P4HA1: variants seen among roughly 807,000 people sequenced by gnomAD.
P4HA1 encodes prolyl 4-hydroxylase subunit alpha-1.
P4HA1 carries 24 observed loss-of-function variants against 72.8 expected under a neutral mutation model. The ratio of observed to expected loss-of-function variants is 0.33; its 90% CI spans 0.24 to 0.46. The LOEUF (loss-of-function observed/expected upper bound fraction) is 0.46. Among genes scored for constraint, P4HA1 ranks in the 20% least tolerant of loss-of-function variants. The pLI, the probability that P4HA1 is intolerant of heterozygous loss-of-function variation, is 1.00. For synonymous variants in P4HA1, 201 were observed against 218.8 expected, an observed-to-expected ratio of 0.92 and a Z score of 0.72; for missense variants, 446 against 640.6, an observed-to-expected ratio of 0.70 and a Z score of 3.28.
chr10:73,077,962 C>T (rs1841738096), intron 1 of P4HA1, among the ~76,000 whole-genome samples: 1 of 144,190 alleles, frequency 6.9e-6, no homozygotes, highest in Non-Finnish European at 1.5e-5. Context: ...GCTCTCCAGT[C>T]TGGGCAATAA....
rs185017790 is a variant in P4HA1, at chr10:73,017,096, C to T, written c.1249-197G>A. On this transcript the variant is annotated intron_variant, in intron 10 of 14. Coordinates refer to ENST00000394890, the MANE Select transcript of P4HA1 (RefSeq NM_001017962.3). The stretch of plus-strand genomic sequence containing the variant: ...AGGACAGCTACTATATATCTATGTA[C>T]AGATCTATATCTACAGATGTATATA... 2.0e-5 allele frequency among the ~76,000 whole-genome samples: 3 copies of T among 151,754 alleles called. No homozygotes were observed. In the East Asian group the frequency reaches 5.8e-4, roughly 29 times the overall value.
chr10:73,033,156 A>G (rs374339706), intron 9 of P4HA1, among the ~76,000 whole-genome samples: 1 of 152,268 alleles, frequency 6.6e-6, no homozygotes, highest in South Asian at 2.1e-4. Context: ...GGATGTCTGA[A>G]CTTTATAAGC....
At chr10:73,043,811 T>C (rs1840791421) in intron 9 of P4HA1, 1 of 1,080,916 alleles carries the variant, frequency 9.3e-7, no homozygotes, top group East Asian at 2.4e-5. Flanking sequence ...AACTATATCA[T>C]GAGTTTTCAG....
chr10:73,024,881 G>C (rs1305744400), intron 10 of P4HA1, among the ~76,000 whole-genome samples: 1 of 152,098 alleles, frequency 6.6e-6, no homozygotes, highest in Admixed American at 6.5e-5. Context: ...AAATAAACTA[G>C]AAAATCTAGA....
chr10:73,027,628 AG>A (rs1314415450), intron 10 of P4HA1, among the ~76,000 whole-genome samples: 1 of 87,796 alleles, frequency 1.1e-5, no homozygotes, highest in African/African-American at 4.6e-5. Flanking sequence ...GAAGGAAAGA[AG>A]GGAGTCAGGG....
At chr10:73,038,585 T>C (rs1840655136) in intron 9 of P4HA1, among the ~76,000 whole-genome samples, 1 of 151,690 alleles carries the variant, frequency 6.6e-6, no homozygotes, top group South Asian at 2.1e-4. Flanking sequence ...AGCTTTTTCA[T>C]TTACAAGCTG....
intron 10 of P4HA1, among the ~76,000 whole-genome samples, chr10:73,023,819 A>AAC (rs1350744373): frequency 6.6e-6 from 1 of 151,966 alleles, no homozygotes; most frequent in East Asian, 1.9e-4. Flanking sequence ...AAAAAAAAAA[A>AAC]AAAAAGCAGC....
intron 1 of P4HA1, among the ~76,000 whole-genome samples, chr10:73,089,103 T>A (rs6480666): frequency 2.6e-5 from 4 of 152,108 alleles, no homozygotes; most frequent in Admixed American, 6.5e-5. Context: ...ATACTGAGTC[T>A]TCTAATCCAT....
At chr10:73,064,776 G>C (rs1203428868) in intron 5 of P4HA1, among the ~76,000 whole-genome samples, 1 of 152,034 alleles carries the variant, frequency 6.6e-6, no homozygotes, top group Middle Eastern at 3.2e-3. Context: ...AGGAGGCAGA[G>C]GTTGCAGTGA....
At chr10:73,014,091 A>T in intron 12 of P4HA1, 133 bp downstream of exon 12, 1 of 641,578 alleles carries the variant, frequency 1.6e-6, no homozygotes, top group East Asian at 2.7e-5. Flanking sequence ...AATAATTCTT[A>T]ACTCACTTTA....
chr10:73,051,207 T>C lies in P4HA1; in HGVS notation c.746A>G (p.Glu249Gly). 3 of 1,604,686 alleles carry C rather than the reference T, an allele frequency of 1.9e-6. No homozygotes were observed. The highest frequency in any genetic ancestry group is 2.6e-6 in the Non-Finnish European group (3 of 1,171,972). ...ATCTTTTTCTTTAGCCATTATATAC[T>C]CAAAATATTTTAAGTTACCATTAGC... ...QRANGNLKYF[E>G]YIMAKEKDVN... Residue 249 changes from glutamate (E) to glycine (G), a missense_variant, in exon 7 of 15, where the codon GAG (glutamate) becomes GGG (glycine). By Grantham distance (98) the Glu-to-Gly change is moderately conservative. Coordinates refer to ENST00000394890, the MANE Select transcript of P4HA1 (RefSeq NM_001017962.3).
At chr10:73,065,477 C>T (rs1841398715) in intron 5 of P4HA1, 2 of 152,140 alleles carry the variant, frequency 1.3e-5, no homozygotes, top group Admixed American at 1.3e-4. Context: ...AATATAAATT[C>T]ACTAAGCATT....
intron 14 of P4HA1, among the ~76,000 whole-genome samples, chr10:73,008,772 C>T (rs1336337301): frequency 1.3e-5 from 2 of 152,102 alleles, no homozygotes; most frequent in East Asian, 3.9e-4. Flanking sequence ...TTCCAAAATA[C>T]CTTTAAAAAA....
At chr10:73,053,840 C>T (rs906910471) in intron 5 of P4HA1, among the ~76,000 whole-genome samples, 6 of 152,046 alleles carry the variant, frequency 3.9e-5, no homozygotes, top group Admixed American at 2.6e-4. Flanking sequence ...TATCAGCCAT[C>T]ATACCAAAAT....
intron 14 of P4HA1, chr10:73,009,529 A>C (rs1429935961): frequency 3.2e-6 from 1 of 316,350 alleles, no homozygotes; most frequent in Non-Finnish European, 6.1e-6. Flanking sequence ...GTATGTCTCA[A>C]TCAGATTATT....
chr10:73,031,806 T>G (rs917952533), intron 9 of P4HA1, among the ~76,000 whole-genome samples: 7 of 152,192 alleles, frequency 4.6e-5, no homozygotes, highest in South Asian at 4.1e-4. Context: ...TATCTCAATT[T>G]TAAATGGTAC....
intron 8 of P4HA1, 49 bp downstream of exon 8, chr10:73,046,876 G>C (rs749706463): frequency 7.7e-7 from 1 of 1,299,132 alleles, no homozygotes; most frequent in Non-Finnish European, 1.1e-6. Flanking sequence ...AAGAAAAATT[G>C]ATACAAAGGT....
At chr10:73,082,486 TCTC>T (rs1435919068) in intron 1 of P4HA1, 1 of 152,162 alleles carries the variant, frequency 6.6e-6, no homozygotes, top group Non-Finnish European at 1.5e-5. Flanking sequence ...TGCTTGATAT[TCTC>T]TTTTTTTAAG....
intron 1 of P4HA1, among the ~76,000 whole-genome samples, chr10:73,083,298 A>C (rs1310597096): frequency 1.3e-5 from 2 of 152,212 alleles, no homozygotes; most frequent in Non-Finnish European, 2.9e-5. Flanking sequence ...CAAATACTTT[A>C]ATGCTATGAC....
Sources: allele counts gnomAD v4.1 joint callset (sites outside exome capture counted in the v4.1 genomes callset), GRCh38; gene constraint gnomAD v4.1.1; transcripts MANE v1.5; gene names NCBI Gene and HGNC (gene_info 2026-07-23, HGNC 2026-07-21).